The following GUSB variants were observed in gnomAD, a reference collection of about 807,000 sequenced individuals.
GUSB encodes the protein glucuronidase beta.
A neutral mutation model predicts 74.6 loss-of-function variants in GUSB; 51 were observed. The observed-to-expected ratio is 0.68, with a 90% CI of 0.55 to 0.86. GUSB has a LOEUF of 0.86. GUSB is among the 40% of genes least tolerant of loss of function. GUSB has a pLI of 0.00. For synonymous variants in GUSB, 360 were observed against 348.3 expected (o/e 1.03, Z -0.37); for missense variants, 736 against 853.7 (o/e 0.86, Z 1.72).
intron 4 of GUSB, 29 bp downstream of exon 4, chr7:65,979,370 G>A (rs1455630433): frequency 1.6e-5 from 23 of 1,482,450 alleles, no homozygotes; most frequent in African/African-American, 4.4e-5. Flanking sequence ...CCTGGGCCCC[G>A]CTGAGAGGAT....
chr7:65,968,230 C>CA (rs60554800), intron 9 of GUSB, among the ~76,000 whole-genome samples: 15,998 of 122,786 alleles, frequency 0.13, 1,078 homozygotes, highest in East Asian at 0.22. Flanking sequence ...CCATTTCTAC[C>CA]AAAAAAAAAA....
chr7:65,975,117 C>G, intron 5 of GUSB, 46 bp from the exon 6 acceptor site: 1 of 1,587,940 alleles, frequency 6.3e-7, no homozygotes. Context: ...ACAGCCTGAG[C>G]CCCATCCGGC....
At chr7:65,970,214 C>T in intron 9 of GUSB, 68 bp downstream of exon 9, 1 of 921,002 alleles carries the variant, frequency 1.1e-6, no homozygotes, top group Middle Eastern at 2.2e-4. Flanking sequence ...TGGCTGTTCC[C>T]ATGACCAGGC....
chr7:65,967,662 AG>A, intron 10 of GUSB, 68 bp downstream of exon 10: 1 of 1,299,870 alleles, frequency 7.7e-7, no homozygotes, highest in Non-Finnish European at 1.1e-6. Context: ...GGCGCAGGTC[AG>A]GCTGGAGGAG....
At chr7:65,980,121 C>A in intron 2 of GUSB, 103 bp downstream of exon 2, 1 of 1,210,036 alleles carries the variant, frequency 8.3e-7, no homozygotes, top group East Asian at 2.5e-5. Flanking sequence ...GGACCCCCCA[C>A]CATCCCACCC....
Position 65,979,420 on chromosome 7 carries a change from T to C in GUSB, c.703A>G (p.Thr235Ala). The C allele has an allele frequency of 6.2e-7, 1 of 1,613,806 alleles. No individual in the cohort carries two copies. Among genetic ancestry groups the C allele is most frequent in the South Asian group, 1.1e-5 (1 of 91,056 alleles). The change falls in exon 4 of 12, where the codon ACC (threonine) becomes GCC (alanine). Residue 235 changes from threonine (T) to alanine (A), a missense_variant. Thr to Ala is a moderately conservative substitution (Grantham distance 58, BLOSUM62 0). Transcript: ENST00000304895. ...TTYIDDITVT[T>A]SVEQDSGLVN... ...TCACCACTGTCTTGCTCCACGCTGG[T>C]GGTGACGGTGATGTCATCGATGTAG...
chr7:65,979,007 T>C (rs1205589696), intron 4 of GUSB, among the ~76,000 whole-genome samples: 1 of 152,126 alleles, frequency 6.6e-6, no homozygotes, highest in Non-Finnish European at 1.5e-5. Context: ...CCTCAAGTGA[T>C]CCTTATACCA....
chr7:65,978,572 A>T (rs1791752215), intron 4 of GUSB, among the ~76,000 whole-genome samples: 1 of 152,096 alleles, frequency 6.6e-6, no homozygotes, highest in Non-Finnish European at 1.5e-5. Flanking sequence ...GTTCAAGACC[A>T]GTCAGGCCAA....
Position 65,979,502 on chromosome 7 carries a change from G to T in GUSB, c.621C>A (p.Asp207Glu). Residue 207 changes from aspartate (D) to glutamate (E), a missense_variant, in exon 4 of 12, where the codon GAC becomes GAA. Physicochemically the swap from Asp to Glu is conservative, Grantham distance 45. Around this residue, in one of 2 missense-constraint regions of GUSB, gnomAD observed 368 missense variants for 363.8 expected, o/e 1.01. Transcript: ENST00000304895. ...KGYFVQNTYF[D>E]FFNYAGLQRS... ...GCTGCAGTCCAGCGTAGTTGAAAAA[G>T]TCAAAATATGTGTTCTGGACAAAGT... 1 of 1,614,140 alleles carries T rather than the reference G, an allele frequency of 6.2e-7. No individual in the cohort carries two copies. The highest frequency in any genetic ancestry group is 8.5e-7 in the Non-Finnish European group (1 of 1,179,974).
At position 65,964,449 on chromosome 7, in the gene GUSB, G is replaced by A. The variant is rs775084641; in HGVS notation, c.1663C>T (p.Leu555=). ...TIAGFHQDPP[L]MFTEEYQKSL... ...TTCTGGTACTCTTCAGTGAACATCA[G>A]AGGTGGATCCTAGGATTCAAGGCAA... Residue 555 remains leucine, a synonymous_variant, in exon 11 of 12, where the codon CTG becomes TTG. Coordinates refer to ENST00000304895, the MANE Select transcript of GUSB (RefSeq NM_000181.4). 1 of 1,611,060 alleles carries A rather than the reference G, an allele frequency of 6.2e-7. No individual in the cohort carries two copies. The highest frequency in any genetic ancestry group is 8.5e-7 in the Non-Finnish European group (1 of 1,179,072).
At chr7:65,962,420 CTG>C (rs1790557706) in intron 11 of GUSB, among the ~76,000 whole-genome samples, 1 of 152,222 alleles carries the variant, frequency 6.6e-6, no homozygotes, top group South Asian at 2.1e-4. Flanking sequence ...AGGTTCAAGA[CTG>C]TTTCTTCCAT....
intron 4 of GUSB, among the ~76,000 whole-genome samples, chr7:65,977,590 A>G (rs1791667148): frequency 6.6e-6 from 1 of 151,418 alleles, no homozygotes; most frequent in South Asian, 2.1e-4. Context: ...GGGTCTCAGT[A>G]TGTTGCCCAG....
intron 4 of GUSB, among the ~76,000 whole-genome samples, chr7:65,979,166 C>T (rs1022609638): frequency 2.6e-5 from 4 of 152,122 alleles, no homozygotes; most frequent in African/African-American, 9.7e-5. Context: ...ATTGCCACCC[C>T]GAGCTGTGTG....
At position 65,967,752 on chromosome 7, in the gene GUSB, T is replaced by A. The variant is rs1224207264; in HGVS notation, c.1632A>T (p.Glu544Asp). ...KPIIQSEYGA[E>D]TIAGFHQDPP... ...TTACCTGGTGAAACCCTGCAATCGT[T>A]TCTGCTCCATACTCGCTCTGAATAA... Residue 544 changes from glutamate to aspartate, a missense_variant, in exon 10 of 12, where the codon GAA becomes GAT. Physicochemically the swap from Glu to Asp is conservative, Grantham distance 45. Transcript: ENST00000304895. 2.5e-6 allele frequency: 4 copies of A among 1,613,618 alleles called. No homozygotes were observed. Among genetic ancestry groups the A allele is most frequent in the African/African-American group, 2.7e-5 (2 of 74,934 alleles).
rs1260794203 is a variant in GUSB, at chr7:65,967,909, T to G, written c.1477-2A>C. On this transcript the variant is annotated splice_acceptor_variant, in intron 9 of 11. Transcript: ENST00000304895. LOFTEE classifies it high-confidence loss of function. ...ACAGATCACATCCACATACGGAGCCTAGGACCAGAGCAGCAGAGCCCGTTC... is the reference window on the plus strand; with the variant it reads ...ACAGATCACATCCACATACGGAGCCGAGGACCAGAGCAGCAGAGCCCGTTC... The G allele has an allele frequency of 1.3e-6, 2 of 1,599,442 alleles. No individual in the cohort carries two copies. The highest frequency in any genetic ancestry group is 1.3e-5 in the African/African-American group (1 of 74,860).
chr7:65,979,677 G>C (rs368816546), intron 3 of GUSB, 50 bp downstream of exon 3: 115 of 1,594,860 alleles, frequency 7.2e-5, no homozygotes, highest in Non-Finnish European at 9.6e-5. Context: ...GAAGACCACA[G>C]GGTGGGGCGG....
rs1056210349 is a variant in GUSB, at chr7:65,964,460, T to C, written c.1654-2A>G. On this transcript the variant is annotated splice_acceptor_variant, in intron 10 of 11. Coordinates refer to ENST00000304895, the MANE Select transcript of GUSB (RefSeq NM_000181.4). LOFTEE classifies it high-confidence loss of function. Reference sequence around the variant, plus strand: ...TTCAGTGAACATCAGAGGTGGATCCTAGGATTCAAGGCAAAGAGAATGTAA... The same window carrying C: ...TTCAGTGAACATCAGAGGTGGATCCCAGGATTCAAGGCAAAGAGAATGTAA... 1 of 1,610,646 alleles carries C rather than the reference T, an allele frequency of 6.2e-7. No homozygotes were observed. Among genetic ancestry groups the C allele is most frequent in the Non-Finnish European group, 8.5e-7 (1 of 1,178,734 alleles).
At chr7:65,973,685 C>T (rs150463055) in intron 8 of GUSB, among the ~76,000 whole-genome samples, 3 of 151,626 alleles carry the variant, frequency 2.0e-5, no homozygotes, top group East Asian at 1.9e-4. Flanking sequence ...TGAACCTGAG[C>T]GGCAGAGGTT....
chr7:65,978,097 A>G (rs1347960014), intron 4 of GUSB, among the ~76,000 whole-genome samples: 1 of 152,136 alleles, frequency 6.6e-6, no homozygotes, highest in African/African-American at 2.4e-5. Context: ...GGCATGAGCC[A>G]CCGCGCCCGC....
Sources: gnomAD v4.1 joint callset for allele counts (sites outside exome capture counted in the v4.1 genomes callset) on GRCh38, gnomAD v4.1.1 for gene constraint, gnomAD v4.1.1 regional missense constraint, MANE v1.5 for transcripts, NCBI Gene and HGNC (gene_info 2026-07-23, HGNC 2026-07-21) for gene names.